The following ATF7IP2 variants were observed in gnomAD, a reference collection of about 807,000 sequenced individuals.
The protein encoded by ATF7IP2 is activating transcription factor 7 interacting protein 2, also known as activating transcription factor 7-interacting protein 2.
Under a neutral mutation model 64.2 loss-of-function variants are expected in ATF7IP2, and 42 were observed. The observed-to-expected ratio is 0.65, with a 90% CI of 0.51 to 0.85. The LOEUF is 0.85. Among genes scored for constraint, ATF7IP2 ranks in the 40% least tolerant of loss-of-function variants. The probability of loss-of-function intolerance (pLI) is 0.00; values close to 1 mark genes in which losing one functional copy is unlikely to be tolerated. For synonymous variants in ATF7IP2, 308 were observed against 272.8 expected, an observed-to-expected ratio of 1.13 and a Z score of -1.27; for missense variants, 933 against 784.2, an observed-to-expected ratio of 1.19 and a Z score of -2.27.
At chr16:10,401,998 C>T (rs2047544907) in intron 1 of ATF7IP2, among the ~76,000 whole-genome samples, 1 of 151,896 alleles carries the variant, frequency 6.6e-6, no homozygotes, top group Non-Finnish European at 1.5e-5. Flanking sequence ...GACCTTACCT[C>T]TTCTTGGTTG....
Position 10,431,105 on chromosome 16 carries a change from G to C in ATF7IP2, c.485G>C (p.Cys162Ser). 1 of 1,614,172 alleles carries C rather than the reference G, an allele frequency of 6.2e-7. No homozygotes were observed. Among genetic ancestry groups the C allele is most frequent in the Non-Finnish European group, 8.5e-7 (1 of 1,180,022 alleles). Residue 162 changes from cysteine to serine, a missense_variant, in exon 5 of 14, where the codon TGT becomes TCT. Cys to Ser is a moderately radical substitution (Grantham distance 112). Transcript: ENST00000562102. ...TCCCTTTTTGAGCATGAGGGGGCTT[G>C]TAGTCTAAAGTCCAGTTGCTGTCCA... ...TRSLFEHEGA[C>S]SLKSSCCPPS...
intron 1 of ATF7IP2, among the ~76,000 whole-genome samples, chr16:10,401,665 A>T (rs951713081): frequency 2.0e-5 from 3 of 151,406 alleles, no homozygotes; most frequent in African/African-American, 7.3e-5. Context: ...TTTTTTTTGA[A>T]TAGTTTCAAG....
intron 13 of ATF7IP2, among the ~76,000 whole-genome samples, chr16:10,481,297 C>T (rs2050215895): frequency 6.6e-6 from 1 of 152,152 alleles, no homozygotes; most frequent in African/African-American, 2.4e-5. Flanking sequence ...GTGGCATGAT[C>T]TCGGCTCACT....
At chr16:10,480,316 C>G (rs1469738106) in intron 12 of ATF7IP2, among the ~76,000 whole-genome samples, 1 of 151,882 alleles carries the variant, frequency 6.6e-6, no homozygotes, top group Non-Finnish European at 1.5e-5. Context: ...CCTACTTGTA[C>G]CTTCTTTCCC....
intron 9 of ATF7IP2, among the ~76,000 whole-genome samples, chr16:10,468,469 G>C (rs762608926): frequency 3.9e-5 from 6 of 152,182 alleles, no homozygotes; most frequent in African/African-American, 9.7e-5. Context: ...TTAGGATCAT[G>C]ATTGGGAAAA....
In ATF7IP2 at chr16:10,386,077, C is replaced by G. The variant is rs1038326212; in HGVS notation, c.-287C>G. On this transcript the variant is annotated 5_prime_UTR_variant, in exon 1 of 14. Transcript: ENST00000562102. ...ACCAGCATTGTTAACGGCTGCGGTTCGAAGTGGCTGTGGGTATTGCTGCGG... is the reference window on the plus strand; with the variant it reads ...ACCAGCATTGTTAACGGCTGCGGTTGGAAGTGGCTGTGGGTATTGCTGCGG... 6.6e-6 allele frequency: 1 copy of G among 152,666 alleles called. No homozygotes were observed. Among genetic ancestry groups the G allele is most frequent in the East Asian group, 1.9e-4 (1 of 5,200 alleles). The allele number at this position is 152,666 out of a possible 1,614,324, so 9.5% of individuals were successfully genotyped here.
intron 4 of ATF7IP2, 82 bp downstream of exon 4, chr16:10,429,098 G>A (rs770153469): frequency 2.6e-5 from 4 of 152,114 alleles, no homozygotes; most frequent in South Asian, 2.1e-4. Context: ...CTGTAGCAGT[G>A]TCTTCAGGCA....
At chr16:10,462,467 G>A (rs1218785799) in intron 9 of ATF7IP2, among the ~76,000 whole-genome samples, 1 of 152,004 alleles carries the variant, frequency 6.6e-6, no homozygotes, top group Admixed American at 6.6e-5. Context: ...ATTTTAACTT[G>A]GGTATAGAAT....
At chr16:10,427,004 C>T (rs139788627) in intron 3 of ATF7IP2, among the ~76,000 whole-genome samples, 1 of 152,070 alleles carries the variant, frequency 6.6e-6, no homozygotes, top group African/African-American at 2.4e-5. Context: ...AGACGTGTGC[C>T]ACCACACCCA....
At chr16:10,413,651 G>T (rs1239893378) in intron 1 of ATF7IP2, among the ~76,000 whole-genome samples, 2 of 152,118 alleles carry the variant, frequency 1.3e-5, no homozygotes, top group Non-Finnish European at 2.9e-5. Flanking sequence ...GCTTTAAAGA[G>T]GTTCTGTTTT....
chr16:10,389,272 ATATT>A (rs966432811), intron 1 of ATF7IP2, among the ~76,000 whole-genome samples: 1 of 152,180 alleles, frequency 6.6e-6, no homozygotes, highest in Non-Finnish European at 1.5e-5. Flanking sequence ...TATATAGAGA[ATATT>A]TATAACAACT....
Position 10,457,631 on chromosome 16 carries a change from A to G in ATF7IP2, c.1352+102A>G, listed in dbSNP as rs1477792918. 6 of 883,946 alleles carry G rather than the reference A, an allele frequency of 6.8e-6. No homozygotes were observed. The East Asian group carries it at 1.7e-4, about 25-fold the overall frequency. 54.8% of individuals were successfully genotyped at this position (883,946 alleles called of 1,614,324 possible). The stretch of plus-strand genomic sequence containing the variant: ...CTTTGTAATATTGATTATTCTTAAC[A>G]TTCACTCTTAAAATGTCCTATAGTT... On this transcript the variant is annotated intron_variant, in intron 9 of 13. Coordinates refer to ENST00000562102, the MANE Select transcript of ATF7IP2 (RefSeq NM_001393719.1).
At chr16:10,422,160 C>G (rs184048947) in intron 3 of ATF7IP2, among the ~76,000 whole-genome samples, 1 of 152,254 alleles carries the variant, frequency 6.6e-6, no homozygotes, top group East Asian at 1.9e-4. Context: ...TAACTAAGTC[C>G]TCTAAAGCCT....
intron 5 of ATF7IP2, among the ~76,000 whole-genome samples, chr16:10,431,792 GT>G (rs1289233869): frequency 1.4e-5 from 2 of 145,158 alleles, no homozygotes; most frequent in African/African-American, 5.1e-5. Context: ...GAAAGAGTGA[GT>G]TTTAAAAATT....
Position 10,465,381 on chromosome 16 carries a change from A to G in ATF7IP2, c.1353-6729A>G, listed in dbSNP as rs373477171. ...CCAAGGTAAACTACAAGTAGATAAC[A>G]TATGTTAGTCACACTCAGGCTTCCA... On this transcript the variant is annotated intron_variant, in intron 9 of 13. Coordinates refer to ENST00000562102, the MANE Select transcript of ATF7IP2 (RefSeq NM_001393719.1). Among the ~76,000 whole-genome samples, 5 of 152,168 alleles carry G rather than the reference A, an allele frequency of 3.3e-5. No homozygotes were observed. In the East Asian group the frequency reaches 5.8e-4, roughly 18 times the overall value.
At chr16:10,390,045 T>C (rs1237572937) in intron 1 of ATF7IP2, among the ~76,000 whole-genome samples, 1 of 152,218 alleles carries the variant, frequency 6.6e-6, no homozygotes, top group Non-Finnish European at 1.5e-5. Context: ...TAAATGGGTT[T>C]TTTCTAAATT....
intron 8 of ATF7IP2, among the ~76,000 whole-genome samples, chr16:10,443,761 C>G (rs899509647): frequency 5.9e-5 from 9 of 152,042 alleles, no homozygotes; most frequent in African/African-American, 2.2e-4. Context: ...TCCCTTCCAG[C>G]AACATTGGCT....
At chr16:10,436,514 TAGAGA>T (rs1338738036) in intron 6 of ATF7IP2, among the ~76,000 whole-genome samples, 1 of 152,064 alleles carries the variant, frequency 6.6e-6, no homozygotes, top group East Asian at 1.9e-4. Context: ...AGTGAAGCAT[TAGAGA>T]AGAGATCAAG....
chr16:10,452,616 G>T (rs2049021871), intron 8 of ATF7IP2, among the ~76,000 whole-genome samples: 1 of 152,226 alleles, frequency 6.6e-6, no homozygotes. Context: ...CTGACATTTA[G>T]CAGAGCTCAA....
Sources: gnomAD v4.1 joint callset for allele counts (sites outside exome capture counted in the v4.1 genomes callset) on GRCh38, gnomAD v4.1.1 for gene constraint, MANE v1.5 for transcripts, NCBI Gene and HGNC (gene_info 2026-07-23, HGNC 2026-07-21) for gene names.